Variants in BLNK observed in about 807,000 individuals in gnomAD.
The protein encoded by BLNK is B cell linker, also known as B-cell linker protein.
In BLNK, 29 loss-of-function variants were observed where a neutral mutation model predicts 73.5. The observed-to-expected ratio is 0.39, with a 90% confidence interval of 0.29 to 0.54. BLNK has a LOEUF of 0.54. BLNK is among the 20% of genes least tolerant of loss of function. The pLI is 0.61. For missense variants in BLNK, 460 were observed against 562.8 expected (o/e 0.82, Z 1.85); for synonymous variants, 176 against 200.8 (o/e 0.88, Z 1.04).
chr10:96,250,894 G>A (rs1309141308), intron 1 of BLNK, among the ~76,000 whole-genome samples: 12 of 152,240 alleles, frequency 7.9e-5, no homozygotes, highest in Non-Finnish European at 1.6e-4. Context: ...ACTTTTTAAA[G>A]TTGATGCATA....
At chr10:96,216,492 T>A (rs1167991540) in intron 7 of BLNK, 161 bp downstream of exon 7, 1 of 687,784 alleles carries the variant, frequency 1.5e-6, no homozygotes, top group African/African-American at 1.8e-5. Context: ...TTGTCACTGA[T>A]GCTGTCTGCC....
chr10:96,227,428 C>G lies in BLNK; in HGVS notation c.343G>C (p.Ala115Pro), dbSNP rs140957683. The change falls in exon 5 of 17, where the codon GCC (alanine) becomes CCC (proline). Residue 115 changes from alanine (A) to proline (P), a missense_variant. Ala to Pro is a conservative substitution (Grantham distance 27). Transcript: ENST00000224337. The stretch of plus-strand genomic sequence containing the variant: ...ACCTCACCTATATACTCGCCTCTGG[C>G]GAAGGGCAGGGCTGGGTGAACCGGC... ...TRPVHPALPF[A>P]RGEYIDNRSS... 5.0e-6 allele frequency: 8 copies of G among 1,614,068 alleles called. No homozygotes were observed. The South Asian group carries it at 6.6e-5, about 13-fold the overall frequency.
In BLNK at chr10:96,204,074, T is replaced by A. The variant is rs781847873; in HGVS notation, c.917A>T (p.Lys306Ile). 1.2e-6 allele frequency: 2 copies of A among 1,613,944 alleles called. No individual in the cohort carries two copies. The highest frequency in any genetic ancestry group is 4.5e-5 in the East Asian group (2 of 44,876). The change falls in exon 13 of 17, where the codon AAA becomes ATA. Residue 306 changes from lysine (K) to isoleucine (I), a missense_variant. Lys to Ile is a moderately radical substitution (Grantham distance 102). Coordinates refer to ENST00000224337, the MANE Select transcript of BLNK (RefSeq NM_013314.4). ...GTACTTACTTGGCAGAGGTATGGGT[T>A]TTTGGTGGATTTGTCTGCAAGAAAG... ...FPPAQKQIHQ[K>I]PIPLPRFTEG...
intron 8 of BLNK, among the ~76,000 whole-genome samples, chr10:96,212,361 A>G (rs1397841957): frequency 9.0e-6 from 1 of 110,988 alleles, no homozygotes; most frequent in Non-Finnish European, 2.2e-5. Flanking sequence ...ATAATAACAA[A>G]GCACTAGCAT....
At position 96,230,836 on chromosome 10, in the gene BLNK, T is replaced by C; in HGVS notation, c.164-2A>G. ...GCTCCTCTTCGTCAGCAGGGCTCTC[T>C]GCAACAGCAGGGGAGAAGCAGAAGG... On this transcript the variant is annotated splice_acceptor_variant, in intron 3 of 16. Coordinates refer to ENST00000224337, the MANE Select transcript of BLNK (RefSeq NM_013314.4). LOFTEE classifies it high-confidence loss of function. The C allele has an allele frequency of 6.2e-7, 1 of 1,610,910 alleles. No individual in the cohort carries two copies. Among genetic ancestry groups the C allele is most frequent in the Non-Finnish European group, 8.5e-7 (1 of 1,178,754 alleles).
At chr10:96,202,020 G>A (rs921161549) in intron 13 of BLNK, among the ~76,000 whole-genome samples, 2 of 152,204 alleles carry the variant, frequency 1.3e-5, no homozygotes, top group African/African-American at 2.4e-5. Context: ...AGGAAAGAAT[G>A]TCCCGGGTAG....
At chr10:96,257,333 C>T (rs554740725) in intron 1 of BLNK, among the ~76,000 whole-genome samples, 7 of 152,272 alleles carry the variant, frequency 4.6e-5, no homozygotes, top group South Asian at 4.2e-4. Flanking sequence ...AGGAGGATCT[C>T]GGCCTGGGAC....
intron 1 of BLNK, among the ~76,000 whole-genome samples, chr10:96,257,309 G>C (rs1257478462): frequency 1.3e-5 from 2 of 152,216 alleles, no homozygotes; most frequent in Non-Finnish European, 2.9e-5. Context: ...GTCATGATGA[G>C]GGTGGAAGAA....
intron 16 of BLNK, among the ~76,000 whole-genome samples, chr10:96,194,970 C>T (rs1395777975): frequency 6.6e-6 from 1 of 151,376 alleles, no homozygotes; most frequent in Non-Finnish European, 1.5e-5. Flanking sequence ...GGGGTTTCAC[C>T]GTGTTAGCCA....
chr10:96,265,836 T>A (rs1432346821), intron 1 of BLNK, among the ~76,000 whole-genome samples: 1 of 152,222 alleles, frequency 6.6e-6, no homozygotes, highest in East Asian at 1.9e-4. Flanking sequence ...TGATTCTTTG[T>A]TGTGGAGACT....
intron 5 of BLNK, among the ~76,000 whole-genome samples, chr10:96,225,642 A>AT (rs1370370295): frequency 0.077 from 10,636 of 138,882 alleles, 992 homozygotes; most frequent in African/African-American, 0.23. Flanking sequence ...GAAGAGTGTG[A>AT]TTTTTTTTTT....
At chr10:96,254,774 T>C (rs1369908972) in intron 1 of BLNK, among the ~76,000 whole-genome samples, 1 of 152,102 alleles carries the variant, frequency 6.6e-6, no homozygotes, top group Non-Finnish European at 1.5e-5. Flanking sequence ...GCCTCCCAAA[T>C]TGCTGGGATT....
intron 6 of BLNK, among the ~76,000 whole-genome samples, chr10:96,222,413 T>C (rs1265316837): frequency 6.6e-6 from 1 of 152,244 alleles, no homozygotes; most frequent in African/African-American, 2.4e-5. Flanking sequence ...TCTGTCCTTA[T>C]TTAAAATGCA....
intron 16 of BLNK, among the ~76,000 whole-genome samples, chr10:96,194,302 G>A (rs981752824): frequency 6.6e-6 from 1 of 152,130 alleles, no homozygotes; most frequent in Admixed American, 6.5e-5. Context: ...ACCAAAGATT[G>A]GTCTTGATTA....
At chr10:96,243,898 A>G (rs984203235) in intron 2 of BLNK, among the ~76,000 whole-genome samples, 5 of 152,138 alleles carry the variant, frequency 3.3e-5, no homozygotes, top group Admixed American at 6.5e-5. Flanking sequence ...ATATACATAA[A>G]TAAAACTTAT....
chr10:96,267,837 A>T (rs1228349440), intron 1 of BLNK, among the ~76,000 whole-genome samples: 1 of 152,258 alleles, frequency 6.6e-6, no homozygotes, highest in Non-Finnish European at 1.5e-5. Context: ...AATCAATTAC[A>T]CAACTATAGA....
chr10:96,231,660 G>A (rs1842503519), intron 3 of BLNK, among the ~76,000 whole-genome samples: 2 of 151,514 alleles, frequency 1.3e-5, no homozygotes, highest in Non-Finnish European at 2.9e-5. Context: ...CCAGGGGGTC[G>A]AGGCTGCAGT....
At chr10:96,213,518 A>G (rs1198799145) in intron 8 of BLNK, among the ~76,000 whole-genome samples, 1 of 152,234 alleles carries the variant, frequency 6.6e-6, no homozygotes, top group Non-Finnish European at 1.5e-5. Flanking sequence ...GATGAGTAGG[A>G]TTAGGTGTCC....
chr10:96,200,037 A>G lies in BLNK; in HGVS notation c.1095+38T>C. 1 of 1,305,176 alleles carries G rather than the reference A, an allele frequency of 7.7e-7. No homozygotes were observed. Among genetic ancestry groups the G allele is most frequent in the Non-Finnish European group, 1.0e-6 (1 of 1,002,130 alleles). The allele number at this position is 1,305,176 out of a possible 1,614,324, so 80.8% of individuals were successfully genotyped here. ...ATCTCAAAACAAATAAATAAAATAA[A>G]ATAAAATAAAAATAATAAATAATAA... On this transcript the variant is annotated intron_variant, in intron 15 of 16. Coordinates refer to ENST00000224337, the MANE Select transcript of BLNK (RefSeq NM_013314.4). The surrounding 1 kb of genome is among the most constrained non-coding windows in gnomAD (Gnocchi z 4.3).
Sources: gnomAD v4.1 joint callset for allele counts (sites outside exome capture counted in the v4.1 genomes callset) on GRCh38, gnomAD v4.1.1 for gene constraint, Gnocchi (gnomAD v3.1) non-coding constraint, MANE v1.5 for transcripts, NCBI Gene and HGNC (gene_info 2026-07-23, HGNC 2026-07-21) for gene names.